Variants in TNFAIP6 observed in about 807,000 individuals in gnomAD.
TNFAIP6 encodes the protein tumor necrosis factor-inducible gene 6 protein.
TNFAIP6 carries 36 observed loss-of-function variants against 33.7 expected under a neutral mutation model. The observed-to-expected ratio is 1.07, with a 90% CI of 0.82 to 1.41. The LOEUF (loss-of-function observed/expected upper bound fraction) is 1.41, where lower values mean the gene tolerates loss of function less well. TNFAIP6 is among the 40% of genes most tolerant of loss of function. The pLI, the probability that TNFAIP6 is intolerant of heterozygous loss-of-function variation, is 0.00. For missense variants in TNFAIP6, 273 were observed against 331.9 expected (o/e 0.82, Z 1.38); for synonymous variants, 113 against 112.8 (o/e 1.00, Z -0.01).
rs1013223215 is a variant in TNFAIP6, at chr2:151,379,647, C to T, written c.*114C>T. The T allele has an allele frequency of 7.1e-6, 6 of 840,942 alleles. No homozygotes were observed. Among genetic ancestry groups the T allele is most frequent in the Admixed American group, 4.1e-5 (1 of 24,098 alleles). The allele number at this position is 840,942 out of a possible 1,614,324, so 52.1% of individuals were successfully genotyped here. On this transcript the variant is annotated 3_prime_UTR_variant, in exon 6 of 6. Coordinates refer to ENST00000243347, the MANE Select transcript of TNFAIP6 (RefSeq NM_007115.4). ...TTTATTATTTTTCTAAATGTGAAAG[C>T]AATACATAATTTAGGGAAAATTGGA...
intron 1 of TNFAIP6, among the ~76,000 whole-genome samples, chr2:151,359,758 G>T (rs1048910770): frequency 6.6e-6 from 1 of 152,164 alleles, no homozygotes; most frequent in African/African-American, 2.4e-5. Context: ...GTCCTGGCAG[G>T]CCGCAAGTTG....
At chr2:151,361,107 A>G (rs62168616) in intron 1 of TNFAIP6, among the ~76,000 whole-genome samples, 27,701 of 151,910 alleles carry the variant, frequency 0.18, 2,906 homozygotes, top group African/African-American at 0.29. Flanking sequence ...ATGGAGTCTC[A>G]CTCTGTCGCC....
chr2:151,361,370 C>G (rs1044684189), intron 1 of TNFAIP6, among the ~76,000 whole-genome samples: 1 of 152,064 alleles, frequency 6.6e-6, no homozygotes, highest in African/African-American at 2.4e-5. Context: ...GCTACCATGC[C>G]CGGCCAAATC....
At chr2:151,358,908 T>TA in intron 1 of TNFAIP6, among the ~76,000 whole-genome samples, 1 of 152,194 alleles carries the variant, frequency 6.6e-6, no homozygotes, top group East Asian at 1.9e-4. Context: ...ATATAGGAAA[T>TA]ACACTCATAT....
At chr2:151,367,632 A>C (rs768973995) in intron 3 of TNFAIP6, among the ~76,000 whole-genome samples, 7 of 152,204 alleles carry the variant, frequency 4.6e-5, no homozygotes, top group African/African-American at 7.2e-5. Flanking sequence ...TAAGAATATA[A>C]TCCTAAATTA....
downstream of TNFAIP6, among the ~76,000 whole-genome samples, chr2:151,381,279 T>C (rs1685006087): frequency 6.6e-6 from 1 of 151,970 alleles, no homozygotes; most frequent in African/African-American, 2.4e-5. Context: ...AAAACCAGGC[T>C]GGGCAACATA....
intron 4 of TNFAIP6, among the ~76,000 whole-genome samples, chr2:151,370,866 T>A (rs927921160): frequency 2.6e-5 from 4 of 151,558 alleles, no homozygotes; most frequent in African/African-American, 9.7e-5. Flanking sequence ...AGGTCAGGAG[T>A]TCAAGACCAG....
At chr2:151,363,809 A>T in intron 1 of TNFAIP6, 134 bp from the exon 2 acceptor site, 1 of 1,059,918 alleles carries the variant, frequency 9.4e-7, no homozygotes, top group Non-Finnish European at 1.3e-6. Flanking sequence ...AAACTTAGCT[A>T]CCCAAGGCAG....
chr2:151,379,139 C>G (rs1684972236), intron 5 of TNFAIP6, among the ~76,000 whole-genome samples: 1 of 152,004 alleles, frequency 6.6e-6, no homozygotes, highest in Non-Finnish European at 1.5e-5. Flanking sequence ...ACAAAATTTC[C>G]TGTAGGATAG....
chr2:151,364,043 C>G lies in TNFAIP6; in HGVS notation c.195C>G (p.Leu65=). Residue 65 remains leucine, a synonymous_variant, in exon 2 of 6, where the codon CTC becomes CTG. Coordinates refer to ENST00000243347, the MANE Select transcript of TNFAIP6 (RefSeq NM_007115.4). ...TGTGTGAATTTGAAGGCGGCCATCTCGCAACTTACAAGCAGCTAGAGGCAG... is the reference window on the plus strand; with the variant it reads ...TGTGTGAATTTGAAGGCGGCCATCTGGCAACTTACAAGCAGCTAGAGGCAG... ...KAVCEFEGGH[L]ATYKQLEAAR... 6.2e-7 allele frequency: 1 copy of G among 1,613,586 alleles called. No homozygotes were observed. The highest frequency in any genetic ancestry group is 8.5e-7 in the Non-Finnish European group (1 of 1,179,718).
In TNFAIP6 at chr2:151,370,787, G is replaced by A. The variant is rs376581189; in HGVS notation, c.623+539G>A. On this transcript the variant is annotated intron_variant, in intron 4 of 5. Transcript: ENST00000243347. ...TCTTACAACCTTAAAAATGATTATA[G>A]GGCCGGGCACGGTGTCTCACGCCTG... Among the ~76,000 whole-genome samples, 27 of 152,220 alleles carry A rather than the reference G, an allele frequency of 1.8e-4. No individual in the cohort carries two copies. The East Asian group carries it at 3.3e-3, about 19-fold the overall frequency.
intron 1 of TNFAIP6, among the ~76,000 whole-genome samples, chr2:151,363,385 C>A (rs1042950595): frequency 1.3e-5 from 2 of 151,806 alleles, no homozygotes; most frequent in African/African-American, 4.8e-5. Flanking sequence ...AGGCCAGGCC[C>A]AGTGGCTCAT....
chr2:151,362,678 G>C (rs1370740009), intron 1 of TNFAIP6, among the ~76,000 whole-genome samples: 1 of 151,698 alleles, frequency 6.6e-6, no homozygotes, highest in African/African-American at 2.4e-5. Context: ...TTTTAATAGA[G>C]ACAGGGTTTC....
chr2:151,357,813 A>C, intron 1 of TNFAIP6, 53 bp downstream of exon 1: 4 of 1,159,660 alleles, frequency 3.4e-6, no homozygotes, highest in Non-Finnish European at 5.2e-6. Flanking sequence ...TCTTTAAATC[A>C]TGGAGAAGGA....
At chr2:151,361,717 G>A (rs3771892) in intron 1 of TNFAIP6, among the ~76,000 whole-genome samples, 27,599 of 151,938 alleles carry the variant, frequency 0.18, 2,842 homozygotes, top group African/African-American at 0.29. Flanking sequence ...AAAATACCCC[G>A]TGGTATGATG....
intron 4 of TNFAIP6, among the ~76,000 whole-genome samples, chr2:151,370,817 C>A (rs953031498): frequency 1.3e-5 from 2 of 152,192 alleles, no homozygotes; most frequent in African/African-American, 2.4e-5. Context: ...CGCCTGTAAT[C>A]CACACCACTT....
rs765725814 is a variant in TNFAIP6, at chr2:151,363,953, C to A, written c.105C>A (p.Ala35=). 1.2e-6 allele frequency: 2 copies of A among 1,611,620 alleles called. No individual in the cohort carries two copies. The highest frequency in any genetic ancestry group is 4.5e-5 in the East Asian group (2 of 44,822). Residue 35 remains alanine, a synonymous_variant, in exon 2 of 6, where the codon GCC becomes GCA. Transcript: ENST00000243347. ...FHNSIWLERA[A]GVYHREARSG... ...CATCTGATTTTGCAGAACGAGCAGC[C>A]GGTGTGTACCACAGAGAAGCACGGT... is the stretch of plus-strand genomic sequence containing the variant.
intron 2 of TNFAIP6, among the ~76,000 whole-genome samples, chr2:151,364,497 T>C (rs1398479361): frequency 2.6e-5 from 4 of 152,216 alleles, no homozygotes; most frequent in Admixed American, 2.6e-4. Flanking sequence ...AAATATTGAA[T>C]TTAGTGGCTT....
chr2:151,371,341 T>C (rs1165806333), intron 4 of TNFAIP6, among the ~76,000 whole-genome samples: 2 of 152,202 alleles, frequency 1.3e-5, no homozygotes, highest in Admixed American at 1.3e-4. Context: ...CCCCACCTAA[T>C]AACCCATATT....
Sources: allele counts gnomAD v4.1 joint callset (sites outside exome capture counted in the v4.1 genomes callset), GRCh38; gene constraint gnomAD v4.1.1; transcripts MANE v1.5; gene names NCBI Gene and HGNC (gene_info 2026-07-23, HGNC 2026-07-21).